The following DNMBP variants were observed in gnomAD, a reference collection of about 807,000 sequenced individuals.
DNMBP encodes the protein dynamin-binding protein.
DNMBP carries 87 observed loss-of-function variants against 150.0 expected under a neutral mutation model. That is an observed-to-expected ratio of 0.58 (90% CI 0.49 to 0.69). DNMBP has a LOEUF of 0.69. Among genes scored for constraint, DNMBP ranks in the 30% least tolerant of loss-of-function variants. The pLI is 0.00. For missense variants in DNMBP, 1,774 were observed against 1,949.0 expected (o/e 0.91, Z 1.69); for synonymous variants, 711 against 750.4 (o/e 0.95, Z 0.86).
At chr10:99,903,807 T>C (rs1014166557) in intron 6 of DNMBP, among the ~76,000 whole-genome samples, 1 of 152,224 alleles carries the variant, frequency 6.6e-6, no homozygotes, top group Non-Finnish European at 1.5e-5. Flanking sequence ...TGATAGTCAC[T>C]GTTCTATATC....
chr10:99,918,863 A>AC (rs1409117193), intron 4 of DNMBP, among the ~76,000 whole-genome samples: 1 of 152,236 alleles, frequency 6.6e-6, no homozygotes, highest in African/African-American at 2.4e-5. Flanking sequence ...CATAAATCCT[A>AC]GCATGGTATG....
At chr10:99,924,089 G>C (rs1272163263) in intron 4 of DNMBP, among the ~76,000 whole-genome samples, 2 of 152,120 alleles carry the variant, frequency 1.3e-5, no homozygotes, top group East Asian at 3.9e-4. Context: ...GGGAGGCAGA[G>C]GTTGCAGTGA....
At chr10:99,903,865 G>A (rs1346684475) in intron 6 of DNMBP, among the ~76,000 whole-genome samples, 1 of 151,656 alleles carries the variant, frequency 6.6e-6, no homozygotes, top group Non-Finnish European at 1.5e-5. Context: ...CAAACTCTGG[G>A]TCACGAAATA....
chr10:99,974,886 C>T (rs1299091827), intron 1 of DNMBP, among the ~76,000 whole-genome samples: 1 of 152,200 alleles, frequency 6.6e-6, no homozygotes, highest in Non-Finnish European at 1.5e-5. Context: ...ACCTCAGCCT[C>T]CTGGGTACAT....
chr10:99,997,716 G>A (rs949410136), intron 1 of DNMBP, among the ~76,000 whole-genome samples: 5 of 152,132 alleles, frequency 3.3e-5, no homozygotes, highest in African/African-American at 4.8e-5. Context: ...GAAGGCTGAG[G>A]CAGATGGATC....
intron 16 of DNMBP, 85 bp downstream of exon 16, chr10:99,879,726 A>T: frequency 6.4e-7 from 1 of 1,566,576 alleles, no homozygotes; most frequent in Non-Finnish European, 8.6e-7. Context: ...GGCCTCAGGC[A>T]AGCCACTTCT....
intron 1 of DNMBP, among the ~76,000 whole-genome samples, chr10:99,995,808 C>T (rs2040945359): frequency 6.6e-6 from 1 of 152,226 alleles, no homozygotes; most frequent in African/African-American, 2.4e-5. Flanking sequence ...CTTTTGGGGC[C>T]AGTGGCTGTT....
At chr10:100,009,305 T>C (rs1017946086) in intron 1 of DNMBP, among the ~76,000 whole-genome samples, 2 of 152,170 alleles carry the variant, frequency 1.3e-5, no homozygotes, top group Non-Finnish European at 2.9e-5. Context: ...GGAACGCGGG[T>C]GTCCGCGGGT....
chr10:99,967,086 C>CT (rs945431982), intron 3 of DNMBP, among the ~76,000 whole-genome samples: 2 of 151,848 alleles, frequency 1.3e-5, no homozygotes, highest in African/African-American at 4.8e-5. Context: ...GCATGAGCCA[C>CT]TATACCCAGC....
At chr10:99,897,250 T>A (rs2039668776) in intron 9 of DNMBP, among the ~76,000 whole-genome samples, 1 of 151,912 alleles carries the variant, frequency 6.6e-6, no homozygotes, top group South Asian at 2.1e-4. Flanking sequence ...TTCAGTGTTA[T>A]GAAGAAGGAG....
chr10:99,955,171 T>C, intron 4 of DNMBP, 43 bp downstream of exon 4: 1 of 1,551,324 alleles, frequency 6.4e-7, no homozygotes. Context: ...CTGGGACTTG[T>C]GAGTGTCAAG....
At chr10:99,943,752 C>T (rs1407464457) in intron 4 of DNMBP, among the ~76,000 whole-genome samples, 1 of 152,134 alleles carries the variant, frequency 6.6e-6, no homozygotes, top group African/African-American at 2.4e-5. Context: ...TGCAGAATGA[C>T]AAATTGCTTC....
intron 3 of DNMBP, among the ~76,000 whole-genome samples, chr10:99,965,170 A>G (rs2133346268): frequency 6.6e-6 from 1 of 152,176 alleles, no homozygotes; most frequent in South Asian, 2.1e-4. Flanking sequence ...TCCATGTACA[A>G]CCTCATCTAA....
In DNMBP at chr10:99,882,458, C is replaced by CCT. The variant is rs750135807; in HGVS notation, c.3997+1551_3997+1552dup. 1.6e-4 allele frequency among the ~76,000 whole-genome samples: 24 copies of CCT among 152,272 alleles called. No homozygotes were observed. In the East Asian group the frequency reaches 2.3e-3, roughly 15 times the overall value. ...AATTAACTGGGCATGGTCACGCATGCCTCTGGTCCCAGCTACTCAGGAGGC... is the reference window on the plus strand; with the variant it reads ...AATTAACTGGGCATGGTCACGCATGCCTCTCTGGTCCCAGCTACTCAGGAGGC... On this transcript the variant is annotated intron_variant, in intron 15 of 16. Coordinates refer to ENST00000324109, the MANE Select transcript of DNMBP (RefSeq NM_015221.4).
At position 99,955,551 on chromosome 10, in the gene DNMBP, G is replaced by C. The variant is rs1178817123; in HGVS notation, c.1923C>G (p.Pro641=). ...LKPAPPLVVR[P]SRPAPLPPSA... Reference sequence around the variant, plus strand: ...AGGGAGGCAGGGGAGCTGGGCGAGAGGGTCGCACCACCAAGGGTGGTGCAG... The same window carrying C: ...AGGGAGGCAGGGGAGCTGGGCGAGACGGTCGCACCACCAAGGGTGGTGCAG... The change falls in exon 4 of 17, where the codon CCC becomes CCG. Residue 641 remains proline (P), a synonymous_variant. Transcript: ENST00000324109. The C allele has an allele frequency of 1.9e-6, 3 of 1,600,808 alleles. No individual in the cohort carries two copies. The East Asian group carries it at 6.7e-5, about 36-fold the overall frequency.
intron 4 of DNMBP, among the ~76,000 whole-genome samples, chr10:99,934,082 A>G (rs565322666): frequency 6.6e-6 from 1 of 152,288 alleles, no homozygotes; most frequent in African/African-American, 2.4e-5. Context: ...ATAGGGAATC[A>G]TAAGTTAAAG....
chr10:99,963,945 T>C (rs2040589926), intron 3 of DNMBP, among the ~76,000 whole-genome samples: 2 of 152,118 alleles, frequency 1.3e-5, no homozygotes, highest in Non-Finnish European at 2.9e-5. Flanking sequence ...TTATAACACA[T>C]GTGCTTTGAC....
chr10:99,878,184 T>A (rs1241535431), intron 16 of DNMBP, among the ~76,000 whole-genome samples: 2 of 152,100 alleles, frequency 1.3e-5, no homozygotes, highest in African/African-American at 4.8e-5. Context: ...CAACACAAAT[T>A]ATGAAAAAGA....
At position 99,929,678 on chromosome 10, in the gene DNMBP, A is replaced by G. The variant is rs1409906224; in HGVS notation, c.2261-20532T>C. The G allele has an allele frequency of 5.7e-6, 4 of 702,936 alleles. No individual in the cohort carries two copies. In the Admixed American group the frequency reaches 6.0e-5, roughly 11 times the overall value. The allele number at this position is 702,936 out of a possible 1,614,324, so 43.5% of individuals were successfully genotyped here. On this transcript the variant is annotated intron_variant, in intron 4 of 16. Coordinates refer to ENST00000324109, the MANE Select transcript of DNMBP (RefSeq NM_015221.4). ...TGCTGGGTGCTGTGCGGCGGAGGCA[A>G]CTATTCCTTCTCCAAGTCTCTGGGC... is the stretch of plus-strand genomic sequence containing the variant.
Sources: allele counts gnomAD v4.1 joint callset (sites outside exome capture counted in the v4.1 genomes callset), GRCh38; gene constraint gnomAD v4.1.1; transcripts MANE v1.5; gene names NCBI Gene and HGNC (gene_info 2026-07-23, HGNC 2026-07-21).